Variants in NUP155 observed in about 807,000 individuals in gnomAD.
NUP155 encodes nucleoporin 155.
NUP155 carries 71 observed loss-of-function variants against 180.4 expected under a neutral mutation model. The ratio of observed to expected loss-of-function variants is 0.39; its 90% confidence interval spans 0.33 to 0.48. The LOEUF (loss-of-function observed/expected upper bound fraction) is 0.48, where lower values mean the gene tolerates loss of function less well. Among genes scored for constraint, NUP155 ranks in the 20% least tolerant of loss-of-function variants. The pLI, the probability that NUP155 is intolerant of heterozygous loss-of-function variation, is 0.91. For missense variants in NUP155, 1,553 were observed against 1,648.9 expected, an observed-to-expected ratio of 0.94 and a Z score of 1.01; for synonymous variants, 582 against 559.5, an observed-to-expected ratio of 1.04 and a Z score of -0.57.
intron 21 of NUP155, among the ~76,000 whole-genome samples, 163 bp from the exon 22 acceptor site, chr5:37,314,491 G>A (rs945837477): frequency 6.6e-6 from 1 of 152,168 alleles, no homozygotes; most frequent in Non-Finnish European, 1.5e-5. Flanking sequence ...TCTTCTCCGT[G>A]TGTGTATATA....
In NUP155 at chr5:37,294,485, T is replaced by C. The variant is rs1006049639; in HGVS notation, c.3794-20A>G. On this transcript the variant is annotated intron_variant, in intron 32 of 34. Coordinates refer to ENST00000231498, the MANE Select transcript of NUP155 (RefSeq NM_153485.3). ...TAAAATCTGGGAAGAAAAAAAAAGA[T>C]CGGAAATTTGGATTTTTAGCTCTTG... 1.2e-6 allele frequency: 2 copies of C among 1,611,610 alleles called. No homozygotes were observed. Among genetic ancestry groups the C allele is most frequent in the Non-Finnish European group, 1.7e-6 (2 of 1,178,164 alleles).
chr5:37,311,737 T>C (rs1743541284), intron 22 of NUP155, among the ~76,000 whole-genome samples: 1 of 151,980 alleles, frequency 6.6e-6, no homozygotes, highest in African/African-American at 2.4e-5. Flanking sequence ...ATTATCCTTT[T>C]GGCCGGGCAT....
rs746543767 is a variant in NUP155 at position 37,302,888 on chromosome 5, T to A, written c.3338A>T (p.Gln1113Leu). Residue 1113 changes from glutamine (Q) to leucine (L), a missense_variant, in exon 29 of 35, where the codon CAG becomes CTG. Gln to Leu is a moderately radical substitution (Grantham distance 113, BLOSUM62 -2). Transcript: ENST00000231498. ...GGCTCGAGCAATGTACTCTAGTCGC[T>A]GCTGAAGTGAAATTTCTGTGCTAGA... is the stretch of plus-strand genomic sequence containing the variant. ...DMHSTEISLQ[Q>L]RLEYIARAIL... The A allele has an allele frequency of 6.2e-7, 1 of 1,614,138 alleles. No individual in the cohort carries two copies. The highest frequency in any genetic ancestry group is 8.5e-7 in the Non-Finnish European group (1 of 1,180,004).
At chr5:37,295,583 A>G in intron 32 of NUP155, among the ~76,000 whole-genome samples, 1 of 107,044 alleles carries the variant, frequency 9.3e-6, no homozygotes, top group East Asian at 2.4e-4. Flanking sequence ...CCCAGCCGCC[A>G]TCCCATCTAG....
Position 37,298,943 on chromosome 5 carries a change from T to C in NUP155, c.3718A>G (p.Arg1240Gly). 6.2e-7 allele frequency: 1 copy of C among 1,612,980 alleles called. No individual in the cohort carries two copies. Among genetic ancestry groups the C allele is most frequent in the Non-Finnish European group, 8.5e-7 (1 of 1,178,936 alleles). ...ATCTTGAGACTAAGAGCATGCATTC[T>C]ATCCGAGGAGCTCAATGTCACACTG... ...SDSVTLSSSD[R>G]MHALSLKIVL... Residue 1240 changes from arginine to glycine, a missense_variant, in exon 32 of 35, where the codon AGA becomes GGA. Transcript: ENST00000231498.
rs541688027 is a variant in NUP155 at position 37,295,865 on chromosome 5, G to A, written c.3794-1400C>T. ...CCTCCGCCCGGCAGCCACCCCGTCC[G>A]GGAGGGAGGTTGGGGGGTCAGCCCC... On this transcript the variant is annotated intron_variant, in intron 32 of 34. Transcript: ENST00000231498. 3.1e-4 allele frequency among the ~76,000 whole-genome samples: 47 copies of A among 149,988 alleles called. No individual in the cohort carries two copies. In the South Asian group the frequency reaches 6.3e-3, roughly 20 times the overall value.
In NUP155 at chr5:37,291,869, T is replaced by G; in HGVS notation, c.*31A>C. On this transcript the variant is annotated 3_prime_UTR_variant, in exon 35 of 35. Coordinates refer to ENST00000231498, the MANE Select transcript of NUP155 (RefSeq NM_153485.3). ...CCCAGCTGAGTTTTTATTTTACAGA[T>G]CATAAAACGGATGAAAGTATATCAC... The G allele has an allele frequency of 6.2e-7, 1 of 1,606,502 alleles. No individual in the cohort carries two copies. The highest frequency in any genetic ancestry group is 8.5e-7 in the Non-Finnish European group (1 of 1,173,282).
chr5:37,349,427 G>C (rs1746320411), intron 7 of NUP155, among the ~76,000 whole-genome samples, 182 bp from the exon 8 acceptor site: 1 of 151,998 alleles, frequency 6.6e-6, no homozygotes, highest in Non-Finnish European at 1.5e-5. Flanking sequence ...AAGCATTTTG[G>C]TCAGACAACA....
At chr5:37,363,736 G>T (rs1581217616) in intron 3 of NUP155, 152 bp downstream of exon 3, 2 of 656,216 alleles carry the variant, frequency 3.0e-6, no homozygotes, top group East Asian at 5.9e-5. Context: ...ATGCACATTT[G>T]AACATCTCCA....
At chr5:37,339,666 T>C (rs866696800) in intron 11 of NUP155, among the ~76,000 whole-genome samples, 1 of 152,188 alleles carries the variant, frequency 6.6e-6, no homozygotes, top group African/African-American at 2.4e-5. Flanking sequence ...TCTGTATTCA[T>C]GGATTTGAAG....
chr5:37,330,728 AAAACAAAC>A (rs576511756), intron 14 of NUP155, among the ~76,000 whole-genome samples: 45 of 152,206 alleles, frequency 3.0e-4, no homozygotes, highest in South Asian at 8.3e-4. Flanking sequence ...TCATTAAGCC[AAAACAAAC>A]AAACAAACAA....
intron 1 of NUP155, among the ~76,000 whole-genome samples, chr5:37,368,859 A>T (rs1747777300): frequency 6.6e-6 from 1 of 152,106 alleles, no homozygotes; most frequent in Non-Finnish European, 1.5e-5. Context: ...TTTAATCCTA[A>T]AACATAACTT....
intron 7 of NUP155, 61 bp downstream of exon 7, chr5:37,350,099 G>A (rs1038379219): frequency 9.0e-6 from 10 of 1,111,196 alleles, no homozygotes; most frequent in African/African-American, 4.6e-5. Flanking sequence ...TGAAGAAAAC[G>A]TTGAGGGAAC....
chr5:37,359,545 G>C (rs1747063922), intron 3 of NUP155, among the ~76,000 whole-genome samples: 1 of 152,036 alleles, frequency 6.6e-6, no homozygotes, highest in African/African-American at 2.4e-5. Flanking sequence ...CTCAAGTCCT[G>C]ACCTGGAAAA....
chr5:37,314,152 A>G (rs907416361), intron 22 of NUP155, 46 bp downstream of exon 22: 5 of 1,408,674 alleles, frequency 3.5e-6, no homozygotes, highest in Non-Finnish European at 3.9e-6. Context: ...CAAAAAATCC[A>G]AACATAGTAT....
rs759271437 is a variant in NUP155 at position 37,352,808 on chromosome 5, C to T, written c.485G>A (p.Arg162Gln). The T allele has an allele frequency of 1.2e-5, 19 of 1,613,038 alleles. No homozygotes were observed. The highest frequency in any genetic ancestry group is 8.9e-5 in the East Asian group (4 of 44,866). ...PKAGIFQPHVRHLLVLATPVD... is the reference protein window; with the variant it reads ...PKAGIFQPHVQHLLVLATPVD... ...AGGGGTCGCCAAAACCAGGAGGTGT[C>T]GCACATGAGGTTGAAAGATGCCTAA... Residue 162 changes from arginine (R) to glutamine (Q), a missense_variant, in exon 5 of 35, where the codon CGA (arginine) becomes CAA (glutamine). Coordinates refer to ENST00000231498, the MANE Select transcript of NUP155 (RefSeq NM_153485.3).
Position 37,323,011 on chromosome 5 carries a change from G to T in NUP155, c.2207+981C>A, listed in dbSNP as rs1744348988. 2.6e-5 allele frequency among the ~76,000 whole-genome samples: 4 copies of T among 152,142 alleles called. No individual in the cohort carries two copies. In the South Asian group the frequency reaches 8.3e-4, roughly 32 times the overall value. On this transcript the variant is annotated intron_variant, in intron 20 of 34. Coordinates refer to ENST00000231498, the MANE Select transcript of NUP155 (RefSeq NM_153485.3). ...CAAATGTCCACTCTTGGTCGGGCATGGTGGCTCACGCCTGTAATCCCAGAA... is the reference window on the plus strand; with the variant it reads ...CAAATGTCCACTCTTGGTCGGGCATTGTGGCTCACGCCTGTAATCCCAGAA...
At chr5:37,318,678 C>T (rs1014902201) in intron 20 of NUP155, among the ~76,000 whole-genome samples, 1 of 151,914 alleles carries the variant, frequency 6.6e-6, no homozygotes, top group Non-Finnish European at 1.5e-5. Flanking sequence ...CCAAACAGTT[C>T]GGATAAGGGA....
intron 5 of NUP155, among the ~76,000 whole-genome samples, chr5:37,352,201 C>CA (rs1746509359): frequency 6.6e-6 from 1 of 151,976 alleles, no homozygotes; most frequent in African/African-American, 2.4e-5. Flanking sequence ...ACTAAAAATA[C>CA]AAAAAAATTA....
Sources: gnomAD v4.1 joint callset for allele counts (sites outside exome capture counted in the v4.1 genomes callset) on GRCh38, gnomAD v4.1.1 for gene constraint, MANE v1.5 for transcripts, NCBI Gene and HGNC (gene_info 2026-07-23, HGNC 2026-07-21) for gene names.